MRPL22: variants seen among roughly 807,000 people sequenced by gnomAD.
The protein encoded by MRPL22 is large ribosomal subunit protein uL22m.
Under a neutral mutation model 32.4 loss-of-function variants are expected in MRPL22, and 27 were observed. That is an observed-to-expected ratio of 0.83 (90% confidence interval 0.61 to 1.15). The LOEUF is 1.15. Ranked by LOEUF, MRPL22 falls within the 50% of genes most tolerant of loss-of-function variation. The pLI, the probability that MRPL22 is intolerant of heterozygous loss-of-function variation, is 0.00. For missense variants in MRPL22, 239 were observed against 260.2 expected (o/e 0.92, Z 0.56); for synonymous variants, 86 against 87.3 (o/e 0.99, Z 0.08).
At chr5:154,941,293 AG>A (rs770601901) in intron 2 of MRPL22, 28 bp downstream of exon 2, 3 of 1,612,318 alleles carry the variant, frequency 1.9e-6, no homozygotes, top group Non-Finnish European at 2.5e-6. Flanking sequence ...GAGTTTCGGA[AG>A]GGCCCAAGGC....
chr5:154,967,194 G>T lies in MRPL22; in HGVS notation c.*297G>T. 1 of 354,432 alleles carries T rather than the reference G, an allele frequency of 2.8e-6. No homozygotes were observed. Among genetic ancestry groups the T allele is most frequent in the South Asian group, 3.2e-5 (1 of 30,910 alleles). 22.0% of individuals were successfully genotyped at this position (354,432 alleles called of 1,614,324 possible). On this transcript the variant is annotated 3_prime_UTR_variant, in exon 7 of 7. Coordinates refer to ENST00000523037, the MANE Select transcript of MRPL22 (RefSeq NM_014180.4). The surrounding 1 kb of genome is among the most constrained non-coding windows in gnomAD (Gnocchi z 4.7). The stretch of plus-strand genomic sequence containing the variant: ...ATGTTAACTTTCCAACTAGTGTCCT[G>T]CAGGTGGCTGTTTTGATACTGGACT...
chr5:154,944,876 A>G (rs75799972), intron 2 of MRPL22, among the ~76,000 whole-genome samples: 217 of 152,352 alleles, frequency 1.4e-3, no homozygotes, highest in African/African-American at 4.7e-3. Context: ...TAGAATAGTA[A>G]GTGCAACAGC....
In MRPL22 at chr5:154,967,167, G is replaced by T; in HGVS notation, c.*270G>T. 2.5e-6 allele frequency: 1 copy of T among 406,470 alleles called. No individual in the cohort carries two copies. Among genetic ancestry groups the T allele is most frequent in the Non-Finnish European group, 4.4e-6 (1 of 225,726 alleles). The allele number at this position is 406,470 out of a possible 1,614,324, so 25.2% of individuals were successfully genotyped here. ...AGGCTTTTGGAGTAACTTTGAAAGG[G>T]AATGTTAACTTTCCAACTAGTGTCC... On this transcript the variant is annotated 3_prime_UTR_variant, in exon 7 of 7. Coordinates refer to ENST00000523037, the MANE Select transcript of MRPL22 (RefSeq NM_014180.4). The surrounding 1 kb of genome is among the most constrained non-coding windows in gnomAD (Gnocchi z 4.7).
intron 2 of MRPL22, among the ~76,000 whole-genome samples, chr5:154,950,351 A>G (rs1764544120): frequency 6.6e-6 from 1 of 152,226 alleles, no homozygotes; most frequent in African/African-American, 2.4e-5. Flanking sequence ...AGGAAGTTCA[A>G]GATTCACCTG....
intron 6 of MRPL22, 134 bp downstream of exon 6, chr5:154,960,183 T>C (rs1764684020): frequency 1.6e-6 from 1 of 638,284 alleles, no homozygotes; most frequent in East Asian, 2.8e-5. Flanking sequence ...AATGGCTTAT[T>C]CTTCAGCTGT....
chr5:154,965,098 A>G (rs1399782795), intron 6 of MRPL22, among the ~76,000 whole-genome samples: 2 of 152,222 alleles, frequency 1.3e-5, no homozygotes, highest in Non-Finnish European at 2.9e-5. Context: ...GACCCTAGGC[A>G]GTTTTCACTT....
At chr5:154,960,509 G>A (rs1031311692) in intron 6 of MRPL22, among the ~76,000 whole-genome samples, 3 of 152,156 alleles carry the variant, frequency 2.0e-5, no homozygotes, top group Non-Finnish European at 4.4e-5. Context: ...AAAATGGAAG[G>A]TCTGTTGAAT....
chr5:154,942,189 T>C (rs1764427311), intron 2 of MRPL22, among the ~76,000 whole-genome samples: 1 of 152,224 alleles, frequency 6.6e-6, no homozygotes, highest in Admixed American at 6.5e-5. Flanking sequence ...GAAACAATTC[T>C]CTTGCCTCAG....
At chr5:154,965,060 G>A (rs1273982363) in intron 6 of MRPL22, among the ~76,000 whole-genome samples, 1 of 152,100 alleles carries the variant, frequency 6.6e-6, no homozygotes, top group Non-Finnish European at 1.5e-5. Context: ...TTAATAAAAG[G>A]GCAGTAGGTC....
rs1046371061 is a variant in MRPL22 at position 154,956,444 on chromosome 5, G to A, written c.261+8G>A. The A allele has an allele frequency of 7.0e-6, 11 of 1,575,418 alleles. No individual in the cohort carries two copies. Among genetic ancestry groups the A allele is most frequent in the Non-Finnish European group, 8.7e-6 (10 of 1,145,876 alleles). ...TGGTATTTGGCAAAATTGGTAAGCT[G>A]CAATGACTATTACCATATAATTAAT... On this transcript the variant is annotated splice_region_variant and intron_variant, in intron 4 of 6. Transcript: ENST00000523037.
chr5:154,958,796 C>T (rs375929353), intron 5 of MRPL22, among the ~76,000 whole-genome samples: 3 of 152,162 alleles, frequency 2.0e-5, no homozygotes, highest in East Asian at 3.9e-4. Flanking sequence ...CTGCCCACCT[C>T]GGCCTGCCAA....
At chr5:154,943,555 A>G (rs538699163) in intron 2 of MRPL22, among the ~76,000 whole-genome samples, 149 of 136,870 alleles carry the variant, frequency 1.1e-3, no homozygotes, top group Non-Finnish European at 2.0e-3. Flanking sequence ...CAAATAAAAC[A>G]TTTCTGCAGG....
chr5:154,968,810 A>G lies in MRPL22; in HGVS notation c.*1913A>G, dbSNP rs1051102154. ...CAGTCAGGCTGTAAAAGCTATTTTGAAAGTGGTAAGGAAAAAGTAGGATTG... is the reference window on the plus strand; with the variant it reads ...CAGTCAGGCTGTAAAAGCTATTTTGGAAGTGGTAAGGAAAAAGTAGGATTG... On this transcript the variant is annotated 3_prime_UTR_variant, in exon 7 of 7. Coordinates refer to ENST00000523037, the MANE Select transcript of MRPL22 (RefSeq NM_014180.4). 2 of 152,220 alleles carry G rather than the reference A, an allele frequency of 1.3e-5. No homozygotes were observed. The highest frequency in any genetic ancestry group is 2.4e-5 in the African/African-American group (1 of 41,454). The allele number at this position is 152,220 out of a possible 1,614,324, so 9.4% of individuals were successfully genotyped here. A position where few individuals can be genotyped will look rare whatever the true frequency, so the allele number is the denominator to read the frequency against.
At chr5:154,956,552 A>AT in intron 4 of MRPL22, 116 bp downstream of exon 4, 3 of 676,680 alleles carry the variant, frequency 4.4e-6, no homozygotes, top group Non-Finnish European at 7.6e-6. Flanking sequence ...GAGGAATGTG[A>AT]TATAATTGGT....
chr5:154,960,200 G>A, intron 6 of MRPL22, 151 bp downstream of exon 6: 1 of 601,534 alleles, frequency 1.7e-6, no homozygotes. Flanking sequence ...CTGTATGCAT[G>A]CCAATTTTAA....
At chr5:154,966,273 A>G (rs1034833492) in intron 6 of MRPL22, among the ~76,000 whole-genome samples, 1 of 152,200 alleles carries the variant, frequency 6.6e-6, no homozygotes, top group Non-Finnish European at 1.5e-5. Flanking sequence ...ATTCAAATAG[A>G]TGATTCATTC....
intron 4 of MRPL22, 147 bp from the exon 5 acceptor site, chr5:154,956,988 C>T (rs1009993495): frequency 4.7e-6 from 3 of 645,008 alleles, no homozygotes; most frequent in African/African-American, 1.8e-5. Context: ...AATAGTGTCT[C>T]CTCTCAAACT....
chr5:154,947,158 G>A (rs933512638), intron 2 of MRPL22, among the ~76,000 whole-genome samples: 1 of 152,140 alleles, frequency 6.6e-6, no homozygotes, highest in Admixed American at 6.5e-5. Flanking sequence ...TTCTTAAGAA[G>A]GCTATGAGGT....
At chr5:154,946,590 G>T (rs961820714) in intron 2 of MRPL22, among the ~76,000 whole-genome samples, 2 of 152,060 alleles carry the variant, frequency 1.3e-5, no homozygotes, top group African/African-American at 4.8e-5. Context: ...GAGATGGGTG[G>T]ATCACCTGAG....
Sources: gnomAD v4.1 joint callset for allele counts (sites outside exome capture counted in the v4.1 genomes callset) on GRCh38, gnomAD v4.1.1 for gene constraint, Gnocchi (gnomAD v3.1) non-coding constraint, MANE v1.5 for transcripts, NCBI Gene and HGNC (gene_info 2026-07-23, HGNC 2026-07-21) for gene names.